COL12A1: variants seen among roughly 807,000 people sequenced by gnomAD.
COL12A1 encodes the protein collagen alpha-1(XII) chain.
Under a neutral mutation model 349.7 loss-of-function variants are expected in COL12A1, and 114 were observed. The ratio of observed to expected loss-of-function variants is 0.33; its 90% CI spans 0.28 to 0.38. The LOEUF is 0.38. Among genes scored for constraint, COL12A1 ranks in the 10% least tolerant of loss-of-function variants. The pLI, the probability that COL12A1 is intolerant of heterozygous loss-of-function variation, is 1.00. For missense variants in COL12A1, 3,284 were observed against 3,756.9 expected, an observed-to-expected ratio of 0.87 and a Z score of 3.29; for synonymous variants, 1,369 against 1,329.0, an observed-to-expected ratio of 1.03 and a Z score of -0.66.
Position 75,138,329 on chromosome 6 carries a change from T to A in COL12A1, c.5242A>T (p.Thr1748Ser). 2.5e-6 allele frequency: 4 copies of A among 1,610,364 alleles called. No individual in the cohort carries two copies. The highest frequency in any genetic ancestry group is 3.4e-6 in the Non-Finnish European group (4 of 1,178,584). Residue 1748 changes from threonine (T) to serine (S), a missense_variant, in exon 30 of 66, where the codon ACA becomes TCA. Coordinates refer to ENST00000322507, the MANE Select transcript of COL12A1 (RefSeq NM_004370.6). ...CAAATTAAATTCTTACCTTGTGTTG[T>A]TAAGATAGGCACTAAAAGAAAACAG... is the stretch of plus-strand genomic sequence containing the variant. ...IGSERTLPIL[T>S]TQAPKSGPRN...
Position 75,119,196 on chromosome 6 carries a change from G to A in COL12A1, c.7211-10C>T, listed in dbSNP as rs751135568. 2 of 1,613,826 alleles carry A rather than the reference G, an allele frequency of 1.2e-6. No homozygotes were observed. Among genetic ancestry groups the A allele is most frequent in the Non-Finnish European group, 1.7e-6 (2 of 1,179,850 alleles). ...AACGTGAGGGCCTTGCCTACAGAATGTGGCATGGAAAATTTTAGTGTCACT... is the reference window on the plus strand; with the variant it reads ...AACGTGAGGGCCTTGCCTACAGAATATGGCATGGAAAATTTTAGTGTCACT... On this transcript the variant is annotated splice_polypyrimidine_tract_variant and intron_variant, in intron 45 of 65. Coordinates refer to ENST00000322507, the MANE Select transcript of COL12A1 (RefSeq NM_004370.6).
intron 7 of COL12A1, 47 bp from the exon 8 acceptor site, chr6:75,188,582 A>G (rs1208507809): frequency 1.9e-6 from 3 of 1,586,594 alleles, no homozygotes; most frequent in African/African-American, 1.4e-5. Context: ...AAATGTGCCA[A>G]CTGACTTGGA....
Position 75,102,064 on chromosome 6 carries a change from A to G in COL12A1, c.8416-12T>C. The G allele has an allele frequency of 1.9e-6, 3 of 1,613,534 alleles. No individual in the cohort carries two copies. The highest frequency in any genetic ancestry group is 3.3e-5 in the Admixed American group (2 of 59,852). ...ATCCCTTGGCGACCCTAGAGTGAGC[A>G]ATGGGAAAACAGTTCTCAGGCGTTT... On this transcript the variant is annotated splice_polypyrimidine_tract_variant and intron_variant, in intron 56 of 65. Coordinates refer to ENST00000322507, the MANE Select transcript of COL12A1 (RefSeq NM_004370.6).
chr6:75,184,456 C>T (rs543635292), intron 8 of COL12A1, among the ~76,000 whole-genome samples: 130 of 152,296 alleles, frequency 8.5e-4, no homozygotes, highest in Non-Finnish European at 1.6e-3. Flanking sequence ...TTGGTATTCA[C>T]TCATTGTCTT....
In COL12A1 at chr6:75,090,168, A is replaced by G; in HGVS notation, c.8883T>C (p.Pro2961=). 2 of 1,614,026 alleles carry G rather than the reference A, an allele frequency of 1.2e-6. No homozygotes were observed. The highest frequency in any genetic ancestry group is 1.7e-6 in the Non-Finnish European group (2 of 1,179,980). The part of the protein sequence containing the change: ...GSAGARGEPG[P]GGRPGFPGTP... ...TGCCCGGGAAGCCTGGCCGCCCCCC[A>G]GGCCCAGGTTCTCCTCTGGCTCCTG... is the stretch of plus-strand genomic sequence containing the variant. The change falls in exon 63 of 66, where the codon CCT becomes CCC. Residue 2961 remains proline, a synonymous_variant. Transcript: ENST00000322507. The surrounding 1 kb of genome is among the most constrained non-coding windows in gnomAD (Gnocchi z 4.1).
At position 75,137,557 on chromosome 6, in the gene COL12A1, G is replaced by T. The variant is rs374747725; in HGVS notation, c.5274C>A (p.Asn1758Lys). 27 of 1,613,550 alleles carry T rather than the reference G, an allele frequency of 1.7e-5. No homozygotes were observed. Among genetic ancestry groups the T allele is most frequent in the South Asian group, 4.4e-5 (4 of 90,958 alleles). Residue 1758 changes from asparagine to lysine, a missense_variant, in exon 31 of 66, where the codon AAC (asparagine) becomes AAA (lysine). By Grantham distance (94) the Asn-to-Lys change is moderately conservative (BLOSUM62 0). Around this residue, in one of 2 missense-constraint regions of COL12A1, gnomAD observed 2,601 missense variants for 2,824.8 expected, o/e 0.92. Transcript: ENST00000322507. ...TTQAPKSGPRNLQVYNATSNS... is the reference protein window; with the variant it reads ...TTQAPKSGPRKLQVYNATSNS... The stretch of plus-strand genomic sequence containing the variant: ...TAGATGTTGCATTGTACACTTGAAG[G>T]TTTCGTGGGCCACTTTTGGGAGCTG...
intron 51 of COL12A1, among the ~76,000 whole-genome samples, chr6:75,112,592 A>G (rs1768892294): frequency 6.6e-6 from 1 of 151,748 alleles, no homozygotes; most frequent in African/African-American, 2.4e-5. Flanking sequence ...AATCCCTAGA[A>G]TGCATCTTAG....
rs1006715633 is a variant in COL12A1 at position 75,090,867 on chromosome 6, T to C, written c.8752+456A>G. ...TTTGGAAAACATTGATTAAGACTTC[T>C]CTAAGAGTGAGTTATGGGTTTAAGG... On this transcript the variant is annotated intron_variant, in intron 62 of 65. Coordinates refer to ENST00000322507, the MANE Select transcript of COL12A1 (RefSeq NM_004370.6). The surrounding 1 kb of genome is among the most constrained non-coding windows in gnomAD (Gnocchi z 4.1). 6.6e-6 allele frequency among the ~76,000 whole-genome samples: 1 copy of C among 152,198 alleles called. No homozygotes were observed.
chr6:75,093,541 A>G (rs1257442548), intron 60 of COL12A1, among the ~76,000 whole-genome samples: 2 of 152,242 alleles, frequency 1.3e-5, no homozygotes, highest in Non-Finnish European at 2.9e-5. Context: ...AGGACGAGGA[A>G]AATGAAGGAG....
At chr6:75,105,184 G>A (rs1430348186) in intron 54 of COL12A1, 22 bp downstream of exon 54, 5 of 1,588,514 alleles carry the variant, frequency 3.1e-6, no homozygotes, top group Non-Finnish European at 4.3e-6. Flanking sequence ...AAAAACCAGA[G>A]GATCTATTTC....
Position 75,155,724 on chromosome 6 carries a change from G to A in COL12A1, c.3381C>T (p.Asp1127=), listed in dbSNP as rs778535612. 1 of 1,612,912 alleles carries A rather than the reference G, an allele frequency of 6.2e-7. No individual in the cohort carries two copies. Among genetic ancestry groups the A allele is most frequent in the Non-Finnish European group, 8.5e-7 (1 of 1,179,462 alleles). ...YKVTFHPTGD[D]RRLGELVVGP... Reference sequence around the variant, plus strand: ...CAACCACTAACTCCCCCAGTCTTCTGTCATCCCCCGTAGGGTGGAATGTGA... The same window carrying A: ...CAACCACTAACTCCCCCAGTCTTCTATCATCCCCCGTAGGGTGGAATGTGA... Residue 1127 remains aspartate, a synonymous_variant, in exon 16 of 66, where the codon GAC becomes GAT. Coordinates refer to ENST00000322507, the MANE Select transcript of COL12A1 (RefSeq NM_004370.6).
At chr6:75,170,850 T>C (rs911534636) in intron 13 of COL12A1, among the ~76,000 whole-genome samples, 1 of 152,196 alleles carries the variant, frequency 6.6e-6, no homozygotes, top group Non-Finnish European at 1.5e-5. Flanking sequence ...AAAACCTCAT[T>C]GTAACAAAAT....
Position 75,154,551 on chromosome 6 carries a change from G to GTA in COL12A1, c.3444-16_3444-15dup, listed in dbSNP as rs755695977. ...GTGGTACCAGCCCTAAAATGTTAAA[G>GTA]TATATATATAGCCTGTGAGAACCAT... On this transcript the variant is annotated splice_polypyrimidine_tract_variant and intron_variant, in intron 16 of 65. Coordinates refer to ENST00000322507, the MANE Select transcript of COL12A1 (RefSeq NM_004370.6). 2 of 1,602,448 alleles carry GTA rather than the reference G, an allele frequency of 1.2e-6. No homozygotes were observed. Among genetic ancestry groups the GTA allele is most frequent in the East Asian group, 2.2e-5 (1 of 44,584 alleles).
intron 30 of COL12A1, among the ~76,000 whole-genome samples, chr6:75,138,066 G>A (rs185449481): frequency 6.6e-6 from 1 of 152,050 alleles, no homozygotes; most frequent in Admixed American, 6.6e-5. Context: ...CCAGAATTGT[G>A]AGAATATAAA....
At position 75,175,154 on chromosome 6, in the gene COL12A1, G is replaced by C; in HGVS notation, c.2594C>G (p.Thr865Arg). Residue 865 changes from threonine to arginine, a missense_variant, in exon 13 of 66, where the codon ACA (threonine) becomes AGA (arginine). By Grantham distance (71) the Thr-to-Arg change is moderately conservative (BLOSUM62 -1). This residue lies in a region of COL12A1 where 2,601 missense variants were observed against 2,824.8 expected (regional missense o/e 0.92). Coordinates refer to ENST00000322507, the MANE Select transcript of COL12A1 (RefSeq NM_004370.6). ...CAATCCCTGCAGCACCGTATTGGTT[G>C]TATCTCCCCTCACAGTGACCTCTTG... ...ETQEVTVRGDTTNTVLQGLKE... is the reference protein window; with the variant it reads ...ETQEVTVRGDRTNTVLQGLKE... 1 of 1,614,194 alleles carries C rather than the reference G, an allele frequency of 6.2e-7. No individual in the cohort carries two copies. Among genetic ancestry groups the C allele is most frequent in the Non-Finnish European group, 8.5e-7 (1 of 1,180,030 alleles).
At chr6:75,101,922 C>T (rs981998012) in intron 57 of COL12A1, 77 bp downstream of exon 57, 2 of 1,483,150 alleles carry the variant, frequency 1.3e-6, no homozygotes, top group Middle Eastern at 1.7e-4. Context: ...GCTACTTAAT[C>T]TGGGTTCACC....
At chr6:75,124,468 A>C in intron 40 of COL12A1, 97 bp from the exon 41 acceptor site, 2 of 834,242 alleles carry the variant, frequency 2.4e-6, no homozygotes, top group Non-Finnish European at 3.6e-6. Flanking sequence ...CTGTGGCTAA[A>C]AAAAAGTTCA....
At position 75,121,339 on chromosome 6, in the gene COL12A1, A is replaced by G; in HGVS notation, c.7049T>C (p.Val2350Ala). The G allele has an allele frequency of 1.9e-6, 3 of 1,611,792 alleles. No individual in the cohort carries two copies. The highest frequency in any genetic ancestry group is 2.5e-6 in the Non-Finnish European group (3 of 1,178,426). The part of the protein sequence containing the change: ...NKVVKFIFNT[V>A]GGFDEISPAG... Reference sequence around the variant, plus strand: ...AGGACTGATTTCATCAAAGCCTCCCACAGTATTGAAGATGAATTTTACAAC... The same window carrying G: ...AGGACTGATTTCATCAAAGCCTCCCGCAGTATTGAAGATGAATTTTACAAC... The change falls in exon 44 of 66, where the codon GTG becomes GCG. Residue 2350 changes from valine to alanine, a missense_variant. This residue lies in a region of COL12A1 where 683 missense variants were observed against 932.1 expected (regional missense o/e 0.73). Coordinates refer to ENST00000322507, the MANE Select transcript of COL12A1 (RefSeq NM_004370.6).
At chr6:75,193,622 G>A (rs1770061865) in intron 3 of COL12A1, among the ~76,000 whole-genome samples, 1 of 152,080 alleles carries the variant, frequency 6.6e-6, no homozygotes, top group Admixed American at 6.5e-5. Flanking sequence ...GAGTACGTGT[G>A]CACAACGTGC....
Sources: allele counts gnomAD v4.1 joint callset (sites outside exome capture counted in the v4.1 genomes callset), GRCh38; gene constraint gnomAD v4.1.1; regional missense constraint gnomAD v4.1.1; non-coding constraint Gnocchi (gnomAD v3.1); transcripts MANE v1.5; gene names NCBI Gene and HGNC (gene_info 2026-07-23, HGNC 2026-07-21).